Variants in ENPP6 observed in about 807,000 individuals in gnomAD.
ENPP6 encodes the protein ectonucleotide pyrophosphatase/phosphodiesterase 6.
In ENPP6, 32 loss-of-function variants were observed where a neutral mutation model predicts 42.0. The observed-to-expected ratio is 0.76, with a 90% CI of 0.58 to 1.02. The LOEUF is 1.02. Ranked by LOEUF, ENPP6 falls within the 50% of genes least tolerant of loss-of-function variation. The pLI is 0.00. For synonymous variants in ENPP6, 213 were observed against 216.0 expected (o/e 0.99, Z 0.12); for missense variants, 552 against 566.8 (o/e 0.97, Z 0.27).
At chr4:184,197,509 C>G (rs1022166161) in intron 1 of ENPP6, among the ~76,000 whole-genome samples, 1 of 152,220 alleles carries the variant, frequency 6.6e-6, no homozygotes, top group Non-Finnish European at 1.5e-5. Flanking sequence ...CTAAGGGATG[C>G]CAGATGCTGG....
rs558650454 is a variant in ENPP6, at chr4:184,099,498, G to A, written c.994-2130C>T. 1.2e-3 allele frequency among the ~76,000 whole-genome samples: 179 copies of A among 152,330 alleles called. 1 individual carries two copies. The highest frequency in any genetic ancestry group is 3.4e-4 in the Non-Finnish European group (23 of 68,030). ...CAATAGGTGTTCAATAGGTGGCAAC[G>A]GTCTGGTCCGCAGATGCCCCTGGCC... On this transcript the variant is annotated intron_variant, in intron 6 of 7. Transcript: ENST00000296741.
At chr4:184,180,598 G>A (rs1031725482) in intron 1 of ENPP6, among the ~76,000 whole-genome samples, 1 of 152,152 alleles carries the variant, frequency 6.6e-6, no homozygotes, top group African/African-American at 2.4e-5. Context: ...GAACATAGAT[G>A]CAAATATCCT....
Position 184,171,754 on chromosome 4 carries a change from T to C in ENPP6, c.242-18021A>G, listed in dbSNP as rs548401215. 2.0e-3 allele frequency among the ~76,000 whole-genome samples: 297 copies of C among 151,964 alleles called. 1 individual carries two copies. Among genetic ancestry groups the C allele is most frequent in the African/African-American group, 6.7e-3 (279 of 41,514 alleles). On this transcript the variant is annotated intron_variant, in intron 1 of 7. Coordinates refer to ENST00000296741, the MANE Select transcript of ENPP6 (RefSeq NM_153343.4). ...ATAGTTAGTTATTTAAAAACTTGTG[T>C]GTTCACATAATTTGTTAGTTACAAA...
chr4:184,164,379 C>T (rs1335172493), intron 1 of ENPP6, among the ~76,000 whole-genome samples: 2 of 152,148 alleles, frequency 1.3e-5, no homozygotes, highest in Non-Finnish European at 2.9e-5. Flanking sequence ...GCATGTGACC[C>T]TGTTTGGAAA....
intron 2 of ENPP6, among the ~76,000 whole-genome samples, chr4:184,131,860 T>A (rs1384653886): frequency 6.6e-6 from 1 of 151,266 alleles, no homozygotes; most frequent in Non-Finnish European, 1.5e-5. Context: ...TTATGAGGAA[T>A]TGGCTTCCAC....
chr4:184,217,264 T>A (rs4861610), intron 1 of ENPP6, among the ~76,000 whole-genome samples: 1 of 151,930 alleles, frequency 6.6e-6, no homozygotes, highest in East Asian at 1.9e-4. Context: ...TTAGAAAATA[T>A]GAGCCTCATT....
chr4:184,133,229 G>C (rs1285611621), intron 2 of ENPP6, among the ~76,000 whole-genome samples: 1 of 151,780 alleles, frequency 6.6e-6, no homozygotes, highest in Admixed American at 6.6e-5. Flanking sequence ...TGAATCTGTA[G>C]ATCCATTCTG....
chr4:184,118,034 C>T, intron 3 of ENPP6, 134 bp from the exon 4 acceptor site: 3 of 1,143,614 alleles, frequency 2.6e-6, no homozygotes, highest in Non-Finnish European at 3.6e-6. Context: ...AGCCAATACC[C>T]TAAAATAAAT....
rs548868273 is a variant in ENPP6 at position 184,163,660 on chromosome 4, A to G, written c.242-9927T>C. 2.3e-3 allele frequency among the ~76,000 whole-genome samples: 349 copies of G among 152,352 alleles called. 1 individual carries two copies. Among genetic ancestry groups the G allele is most frequent in the African/African-American group, 7.9e-3 (327 of 41,592 alleles). On this transcript the variant is annotated intron_variant, in intron 1 of 7. Transcript: ENST00000296741. Reference sequence around the variant, plus strand: ...TCTACAGCTGATGAGGAATTCCTCAATTGCATGAACGCTTTCTTAATTCCG... The same window carrying G: ...TCTACAGCTGATGAGGAATTCCTCAGTTGCATGAACGCTTTCTTAATTCCG...
At chr4:184,217,464 C>T in intron 1 of ENPP6, 115 bp downstream of exon 1, 2 of 1,404,510 alleles carry the variant, frequency 1.4e-6, no homozygotes, top group Non-Finnish European at 1.9e-6. Context: ...CCTTTGATGT[C>T]CCAAAGGACT....
intron 2 of ENPP6, among the ~76,000 whole-genome samples, chr4:184,132,108 C>G (rs1736647081): frequency 6.6e-6 from 1 of 152,106 alleles, no homozygotes; most frequent in Non-Finnish European, 1.5e-5. Context: ...TGATGGCCAC[C>G]CACATTGGGG....
At chr4:184,116,135 A>G (rs2111345587) in intron 5 of ENPP6, among the ~76,000 whole-genome samples, 1 of 152,218 alleles carries the variant, frequency 6.6e-6, no homozygotes, top group Admixed American at 6.5e-5. Flanking sequence ...AGACAGGAGA[A>G]TGGCATGAAC....
chr4:184,201,526 A>G (rs1732904031), intron 1 of ENPP6, among the ~76,000 whole-genome samples: 1 of 152,120 alleles, frequency 6.6e-6, no homozygotes, highest in Non-Finnish European at 1.5e-5. Flanking sequence ...ACCACATTTT[A>G]CAGCTTTGCC....
rs1200631712 is a variant in ENPP6 at position 184,112,778 on chromosome 4, A to T, written c.887T>A (p.Met296Lys). The T allele has an allele frequency of 6.2e-7, 1 of 1,613,986 alleles. No individual in the cohort carries two copies. The highest frequency in any genetic ancestry group is 8.5e-7 in the Non-Finnish European group (1 of 1,180,010). The change falls in exon 6 of 8, where the codon ATG (methionine) becomes AAG (lysine). Residue 296 changes from methionine (M) to lysine (K), a missense_variant. Transcript: ENST00000296741. ...GATGGCTTCTTTCTCGTAGACAGTCATGTGTTCCACTGTGCTCAGTTTGTT... is the reference window on the plus strand; with the variant it reads ...GATGGCTTCTTTCTCGTAGACAGTCTTGTGTTCCACTGTGCTCAGTTTGTT... Reference protein sequence around the residue: ...IYNKLSTVEHMTVYEKEAIPS... With the variant: ...IYNKLSTVEHKTVYEKEAIPS...
At chr4:184,139,035 T>G (rs891269527) in intron 2 of ENPP6, among the ~76,000 whole-genome samples, 6 of 152,240 alleles carry the variant, frequency 3.9e-5, no homozygotes, top group African/African-American at 1.4e-4. Context: ...CAGACACCGT[T>G]CATTTGGGTG....
intron 2 of ENPP6, among the ~76,000 whole-genome samples, chr4:184,125,812 T>C (rs1327926720): frequency 2.0e-5 from 3 of 152,206 alleles, no homozygotes; most frequent in African/African-American, 7.2e-5. Context: ...TAAATACTGC[T>C]CATGACTTCC....
At chr4:184,101,194 TGA>T (rs778895098) in intron 6 of ENPP6, among the ~76,000 whole-genome samples, 53 of 151,982 alleles carry the variant, frequency 3.5e-4, no homozygotes, top group Admixed American at 1.8e-3. Context: ...TGCCTGTGTA[TGA>T]GAGTGTGTGA....
In ENPP6 at chr4:184,098,620, T is replaced by C. The variant is rs143031213; in HGVS notation, c.994-1252A>G. ...TTAATTTCCCTCAACCACTCTTCCT[T>C]TGGGATGGGTTCCGGAACCATCACT... On this transcript the variant is annotated intron_variant, in intron 6 of 7. Transcript: ENST00000296741. Among the ~76,000 whole-genome samples, 315 of 152,270 alleles carry C rather than the reference T, an allele frequency of 2.1e-3. 3 individuals carry two copies. Among genetic ancestry groups the C allele is most frequent in the African/African-American group, 7.0e-3 (292 of 41,550 alleles).
At chr4:184,162,622 T>C (rs1737285711) in intron 1 of ENPP6, among the ~76,000 whole-genome samples, 1 of 148,708 alleles carries the variant, frequency 6.7e-6, no homozygotes, top group South Asian at 2.2e-4. Flanking sequence ...TGGAGGGGAA[T>C]GAGCCAAGAC....
Sources: gnomAD v4.1 joint callset for allele counts (sites outside exome capture counted in the v4.1 genomes callset) on GRCh38, gnomAD v4.1.1 for gene constraint, MANE v1.5 for transcripts, NCBI Gene and HGNC (gene_info 2026-07-23, HGNC 2026-07-21) for gene names.